The following ALOX5AP variants were observed in gnomAD, a reference collection of about 807,000 sequenced individuals.
The protein encoded by ALOX5AP is arachidonate 5-lipoxygenase activating protein.
ALOX5AP carries 9 observed loss-of-function variants against 18.5 expected under a neutral mutation model. The ratio of observed to expected loss-of-function variants is 0.49; its 90% CI spans 0.29 to 0.85. The LOEUF is 0.85. Ranked by LOEUF, ALOX5AP falls within the 40% of genes least tolerant of loss-of-function variation. ALOX5AP has a pLI of 0.08. For missense variants in ALOX5AP, 172 were observed against 202.5 expected (o/e 0.85, Z 0.91); for synonymous variants, 81 against 78.6 (o/e 1.03, Z -0.16).
intron 4 of ALOX5AP, among the ~76,000 whole-genome samples, chr13:30,757,752 A>G (rs1048446388): frequency 5.9e-5 from 9 of 152,126 alleles, no homozygotes; most frequent in African/African-American, 2.2e-4. Flanking sequence ...TTGTCCACCT[A>G]CCCACATGTC....
chr13:30,730,236 T>C (rs1249045194), intron 1 of ALOX5AP, among the ~76,000 whole-genome samples: 1 of 152,192 alleles, frequency 6.6e-6, no homozygotes, highest in African/African-American at 2.4e-5. Context: ...GGCATGAGGA[T>C]TCATCTCAAT....
At chr13:30,752,206 A>T in intron 3 of ALOX5AP, 84 bp downstream of exon 3, 1 of 1,414,086 alleles carries the variant, frequency 7.1e-7, no homozygotes, top group Admixed American at 1.8e-5. Flanking sequence ...TGTTGAAAGG[A>T]CTTTGCCTGA....
chr13:30,728,164 TGCTGATGGAG>T (rs1566080371), intron 1 of ALOX5AP, among the ~76,000 whole-genome samples: 1 of 152,174 alleles, frequency 6.6e-6, no homozygotes, highest in Non-Finnish European at 1.5e-5. Flanking sequence ...GAACACCATA[TGCTGATGGAG>T]GCAGTGGCAG....
At chr13:30,726,443 G>A (rs1184935666) in intron 1 of ALOX5AP, among the ~76,000 whole-genome samples, 1 of 152,194 alleles carries the variant, frequency 6.6e-6, no homozygotes, top group African/African-American at 2.4e-5. Flanking sequence ...GACTCACTGA[G>A]GAGGGCATAT....
chr13:30,755,170 G>C (rs762993558), intron 3 of ALOX5AP, among the ~76,000 whole-genome samples: 5 of 152,076 alleles, frequency 3.3e-5, no homozygotes, highest in Non-Finnish European at 7.3e-5. Flanking sequence ...AGAACGCAGA[G>C]GGAATCTCCT....
rs560417401 is a variant in ALOX5AP at position 30,717,958 on chromosome 13, A to C, written c.116+4117A>C. On this transcript the variant is annotated intron_variant, in intron 1 of 5. Coordinates refer to the ALOX5AP transcript ENST00000617770. ...GGAGTAGGTGAGAAAAATTCTGTTT[A>C]TTTTTTCTTTTTTTTTTTGAGACGG... 2.6e-3 allele frequency among the ~76,000 whole-genome samples: 218 copies of C among 84,444 alleles called. 1 individual carries two copies. The highest frequency in any genetic ancestry group is 0.025 in the East Asian group (71 of 2,820). 55.4% of individuals were successfully genotyped at this position (84,444 alleles called of 152,430 possible). A position where few individuals can be genotyped will look rare whatever the true frequency, so the allele number is the denominator to read the frequency against.
chr13:30,752,542 G>T (rs935869700), intron 3 of ALOX5AP, among the ~76,000 whole-genome samples: 1 of 152,208 alleles, frequency 6.6e-6, no homozygotes, highest in South Asian at 2.1e-4. Context: ...ACTGAGCCAC[G>T]GGCTGGATGC....
At chr13:30,717,137 C>T (rs942233353) in intron 1 of ALOX5AP, among the ~76,000 whole-genome samples, 1 of 152,230 alleles carries the variant, frequency 6.6e-6, no homozygotes, top group Non-Finnish European at 1.5e-5. Flanking sequence ...ACCCAATGTC[C>T]CCGGGCAAAT....
At chr13:30,719,982 C>T (rs1015969453) in intron 1 of ALOX5AP, among the ~76,000 whole-genome samples, 1 of 152,142 alleles carries the variant, frequency 6.6e-6, no homozygotes, top group Non-Finnish European at 1.5e-5. Context: ...CTGCCTCAGC[C>T]TCCCAAGTAG....
chr13:30,717,683 T>G (rs1313737271), intron 1 of ALOX5AP, among the ~76,000 whole-genome samples: 3 of 152,216 alleles, frequency 2.0e-5, no homozygotes, highest in Non-Finnish European at 4.4e-5. Flanking sequence ...CTTCTGTCCA[T>G]GTGGAGCGGG....
In ALOX5AP at chr13:30,756,034, C is replaced by A. The variant is rs763163243; in HGVS notation, c.323+9C>A. 6.2e-7 allele frequency: 1 copy of A among 1,613,158 alleles called. No homozygotes were observed. Among genetic ancestry groups the A allele is most frequent in the Non-Finnish European group, 8.5e-7 (1 of 1,179,148 alleles). On this transcript the variant is annotated intron_variant, in intron 4 of 4. Transcript: ENST00000380490. ...GGAGAGAGAACGCAGAGGTAGGTAA[C>A]TGGGACTACTAAAGAACTGTGGAGC...
intron 1 of ALOX5AP, among the ~76,000 whole-genome samples, chr13:30,737,408 G>A (rs1249760587): frequency 6.6e-6 from 1 of 152,248 alleles, no homozygotes; most frequent in Non-Finnish European, 1.5e-5. Context: ...ATTGAGGTGA[G>A]TGGTGAGATT....
At chr13:30,729,153 GA>G (rs1951660705) in intron 1 of ALOX5AP, among the ~76,000 whole-genome samples, 1 of 151,518 alleles carries the variant, frequency 6.6e-6, no homozygotes, top group Non-Finnish European at 1.5e-5. Context: ...CTAATTTATT[GA>G]TTTTTTTTTT....
At chr13:30,751,063 G>A (rs1420286964) in intron 2 of ALOX5AP, among the ~76,000 whole-genome samples, 1 of 152,058 alleles carries the variant, frequency 6.6e-6, no homozygotes, top group Non-Finnish European at 1.5e-5. Context: ...CATAGTAAAA[G>A]GGTGTTTTTT....
intron 1 of ALOX5AP, among the ~76,000 whole-genome samples, chr13:30,739,668 C>G (rs1951747334): frequency 6.6e-6 from 1 of 152,210 alleles, no homozygotes; most frequent in Non-Finnish European, 1.5e-5. Context: ...CTCCTGACCT[C>G]AAGTCATCCT....
chr13:30,724,375 T>C (rs35855842), intron 1 of ALOX5AP, among the ~76,000 whole-genome samples: 11,643 of 152,296 alleles, frequency 0.076, 670 homozygotes, highest in Admixed American at 0.17. Flanking sequence ...TTTGAACTAT[T>C]TTGAATCCTA....
intron 1 of ALOX5AP, among the ~76,000 whole-genome samples, chr13:30,737,601 G>A (rs1187499017): frequency 4.6e-5 from 7 of 152,188 alleles, no homozygotes; most frequent in African/African-American, 1.7e-4. Context: ...TGAGTGTGCT[G>A]GGGGCTTCCT....
chr13:30,720,707 G>C (rs1359113321), intron 1 of ALOX5AP, among the ~76,000 whole-genome samples: 5 of 152,166 alleles, frequency 3.3e-5, no homozygotes, highest in African/African-American at 9.7e-5. Context: ...CTGTTAATGT[G>C]GTCAGGCTAA....
intron 1 of ALOX5AP, 67 bp downstream of exon 1, chr13:30,735,742 C>A: frequency 6.4e-7 from 1 of 1,564,624 alleles, no homozygotes; most frequent in South Asian, 1.1e-5. Flanking sequence ...GTTTGGAAGT[C>A]AGGCTTAAAC....
Sources: allele counts gnomAD v4.1 joint callset (sites outside exome capture counted in the v4.1 genomes callset), GRCh38; gene constraint gnomAD v4.1.1; transcripts MANE v1.5; gene names NCBI Gene and HGNC (gene_info 2026-07-23, HGNC 2026-07-21).